ADAMTSL3: variants seen among roughly 807,000 people sequenced by gnomAD.
ADAMTSL3 encodes ADAMTS-like protein 3.
A neutral mutation model predicts 201.7 loss-of-function variants in ADAMTSL3; 128 were observed. The ratio of observed to expected loss-of-function variants is 0.63; its 90% CI spans 0.55 to 0.73. The LOEUF is 0.73. Ranked by LOEUF, ADAMTSL3 falls within the 30% of genes least tolerant of loss-of-function variation. The probability of loss-of-function intolerance (pLI) is 0.00; values close to 1 mark genes in which losing one functional copy is unlikely to be tolerated. For missense variants in ADAMTSL3, 1,990 were observed against 2,119.6 expected, an observed-to-expected ratio of 0.94 and a Z score of 1.20; for synonymous variants, 738 against 748.4, an observed-to-expected ratio of 0.99 and a Z score of 0.23.
At chr15:83,819,442 C>A (rs1449138063) in intron 5 of ADAMTSL3, among the ~76,000 whole-genome samples, 1 of 151,916 alleles carries the variant, frequency 6.6e-6, no homozygotes, top group Non-Finnish European at 1.5e-5. Flanking sequence ...CATTTGGTTT[C>A]CCTTGTTTTA....
intron 19 of ADAMTSL3, among the ~76,000 whole-genome samples, chr15:83,957,889 C>G (rs1172775610): frequency 6.6e-6 from 1 of 152,060 alleles, no homozygotes; most frequent in East Asian, 1.9e-4. Context: ...ATATTATTGA[C>G]AGTAGTCCCT....
intron 2 of ADAMTSL3, among the ~76,000 whole-genome samples, chr15:83,682,324 T>C (rs4636877): frequency 0.069 from 10,452 of 152,250 alleles, 577 homozygotes; most frequent in East Asian, 0.18. Flanking sequence ...TCTACACCTA[T>C]AGCTCACCAG....
At chr15:83,766,559 C>G (rs1380253379) in intron 3 of ADAMTSL3, among the ~76,000 whole-genome samples, 1 of 152,046 alleles carries the variant, frequency 6.6e-6, no homozygotes, top group East Asian at 1.9e-4. Flanking sequence ...GTATTTGATC[C>G]AAGAGGCGAA....
chr15:83,922,850 A>G (rs2066171881), intron 16 of ADAMTSL3, among the ~76,000 whole-genome samples: 1 of 152,252 alleles, frequency 6.6e-6, no homozygotes, highest in Non-Finnish European at 1.5e-5. Context: ...TAGTAACATA[A>G]TGGAACACAC....
chr15:83,892,215 T>TA (rs796796879), intron 12 of ADAMTSL3, among the ~76,000 whole-genome samples: 289 of 114,724 alleles, frequency 2.5e-3, no homozygotes, highest in Middle Eastern at 0.022. Context: ...GACTCCATCT[T>TA]AAAAAAAAAA....
chr15:83,818,034 CAAT>C (rs1014927026), intron 5 of ADAMTSL3, among the ~76,000 whole-genome samples: 2 of 151,880 alleles, frequency 1.3e-5, no homozygotes, highest in African/African-American at 4.8e-5. Context: ...CAAACGAAAA[CAAT>C]GAAGTTATAT....
At chr15:83,844,767 A>C (rs1392549980) in intron 7 of ADAMTSL3, among the ~76,000 whole-genome samples, 1 of 152,166 alleles carries the variant, frequency 6.6e-6, no homozygotes, top group Admixed American at 6.5e-5. Context: ...CTGTGCATGA[A>C]GAGAGATAAT....
rs527944769 is a variant in ADAMTSL3 at position 83,812,480 on chromosome 15, A to G, written c.364-7331A>G. On this transcript the variant is annotated intron_variant, in intron 5 of 29. Transcript: ENST00000286744. ...CCCTGATTCAAACATGCCTACACCTATACTTCCAGGACCGTAAAAGCCCTG... is the reference window on the plus strand; with the variant it reads ...CCCTGATTCAAACATGCCTACACCTGTACTTCCAGGACCGTAAAAGCCCTG... Among the ~76,000 whole-genome samples, 328 of 152,290 alleles carry G rather than the reference A, an allele frequency of 2.2e-3. 1 individual carries two copies. The highest frequency in any genetic ancestry group is 7.5e-3 in the African/African-American group (313 of 41,560).
intron 2 of ADAMTSL3, among the ~76,000 whole-genome samples, chr15:83,697,219 A>G (rs918122944): frequency 6.6e-6 from 1 of 152,116 alleles, no homozygotes; most frequent in Admixed American, 6.5e-5. Flanking sequence ...TTCCCATTAC[A>G]TCAATCTGAG....
At chr15:83,878,239 A>G (rs573911385) in intron 9 of ADAMTSL3, among the ~76,000 whole-genome samples, 2 of 152,334 alleles carry the variant, frequency 1.3e-5, no homozygotes, top group African/African-American at 4.8e-5. Flanking sequence ...TTAATGTAAT[A>G]AATGACATTG....
chr15:83,846,318 A>G (rs1452504965), intron 7 of ADAMTSL3, among the ~76,000 whole-genome samples: 6 of 152,232 alleles, frequency 3.9e-5, no homozygotes, highest in Non-Finnish European at 8.8e-5. Flanking sequence ...AAATGGAGAA[A>G]TAGGCTCAGT....
intron 13 of ADAMTSL3, 117 bp from the exon 14 acceptor site, chr15:83,897,741 A>G: frequency 8.4e-7 from 1 of 1,195,562 alleles, no homozygotes; most frequent in Non-Finnish European, 1.1e-6. Context: ...TATTTGTCTA[A>G]AAGTCTTTTG....
chr15:83,821,657 C>T (rs1237109554), intron 6 of ADAMTSL3, among the ~76,000 whole-genome samples: 75 of 152,196 alleles, frequency 4.9e-4, no homozygotes, highest in Middle Eastern at 3.4e-3. Flanking sequence ...TACACAGACA[C>T]GGCAACCATC....
intron 27 of ADAMTSL3, among the ~76,000 whole-genome samples, chr15:84,027,000 G>GA (rs1256507051): frequency 6.6e-6 from 1 of 152,118 alleles, no homozygotes; most frequent in Non-Finnish European, 1.5e-5. Flanking sequence ...TAGAATGGGA[G>GA]AAAATGCTTA....
intron 15 of ADAMTSL3, among the ~76,000 whole-genome samples, chr15:83,911,926 T>A (rs1295975617): frequency 6.6e-6 from 1 of 152,248 alleles, no homozygotes; most frequent in African/African-American, 2.4e-5. Flanking sequence ...TATGAAATGA[T>A]GCACGTAATA....
intron 16 of ADAMTSL3, among the ~76,000 whole-genome samples, chr15:83,917,791 G>A (rs528173995): frequency 1.0e-3 from 157 of 152,232 alleles, no homozygotes; most frequent in African/African-American, 3.7e-3. Context: ...TTGTAGAGTT[G>A]TGGTTTATTT....
At chr15:83,979,003 C>T (rs890812569) in intron 20 of ADAMTSL3, among the ~76,000 whole-genome samples, 2 of 152,216 alleles carry the variant, frequency 1.3e-5, no homozygotes, top group African/African-American at 4.8e-5. Context: ...AGCTGAGGGA[C>T]ATGTGGTACC....
chr15:83,657,990 G>A (rs969866881), intron 2 of ADAMTSL3, among the ~76,000 whole-genome samples: 4 of 152,178 alleles, frequency 2.6e-5, no homozygotes, highest in Non-Finnish European at 4.4e-5. Context: ...GTTCCCTGGC[G>A]TCTACCCTTG....
At position 84,016,515 on chromosome 15, in the gene ADAMTSL3, C is replaced by A. The variant is rs1356123523; in HGVS notation, c.4273+16C>A. On this transcript the variant is annotated intron_variant, in intron 25 of 29. Transcript: ENST00000286744. The stretch of plus-strand genomic sequence containing the variant: ...CCGCCTCAAGGTCTGGGATTTTGAC[C>A]TTTTCAGATTTGCTATGTGTGAGGC... The A allele has an allele frequency of 2.5e-6, 4 of 1,600,478 alleles. No individual in the cohort carries two copies. Among genetic ancestry groups the A allele is most frequent in the African/African-American group, 1.3e-5 (1 of 74,534 alleles).
Sources: allele counts gnomAD v4.1 joint callset (sites outside exome capture counted in the v4.1 genomes callset), GRCh38; gene constraint gnomAD v4.1.1; transcripts MANE v1.5; gene names NCBI Gene and HGNC (gene_info 2026-07-23, HGNC 2026-07-21).